Variants in SAMD5 observed in about 807,000 individuals in gnomAD.
The protein encoded by SAMD5 is sterile alpha motif domain-containing protein 5.
A neutral mutation model predicts 11.3 loss-of-function variants in SAMD5; 13 were observed. The observed-to-expected ratio is 1.15, with a 90% confidence interval of 0.75 to 1.83. SAMD5 has a LOEUF of 1.83. SAMD5 is among the 40% of genes most tolerant of loss of function. SAMD5 has a pLI of 0.00. For missense variants in SAMD5, 255 were observed against 239.1 expected (o/e 1.07, Z -0.44); for synonymous variants, 129 against 111.3 (o/e 1.16, Z -1.00).
rs894559994 is a variant in SAMD5, at chr6:147,567,436, C to T, written c.*2980C>T. ...AAATTATTCTAGTAGTATTTTCCTG[C>T]GGTGAATCTGTTAAGGATGTAAGCT... On this transcript the variant is annotated 3_prime_UTR_variant, in exon 2 of 2. Coordinates refer to ENST00000367474, the MANE Select transcript of SAMD5 (RefSeq NM_001030060.3). The T allele has an allele frequency of 3.3e-5, 32 of 984,038 alleles. No homozygotes were observed. Among genetic ancestry groups the T allele is most frequent in the South Asian group, 2.4e-4 (5 of 21,260 alleles). 61.0% of individuals were successfully genotyped at this position (984,038 alleles called of 1,614,324 possible).
At chr6:147,952,174 C>A in the SAMD5 span, among the ~76,000 whole-genome samples, 1 of 152,132 alleles carries the variant, frequency 6.6e-6, no homozygotes, top group African/African-American at 2.4e-5. Context: ...CTTGAGGACT[C>A]AGAATTTCCC....
At position 147,564,666 on chromosome 6, in the gene SAMD5, A is replaced by G; in HGVS notation, c.*210A>G. On this transcript the variant is annotated 3_prime_UTR_variant, in exon 2 of 2. Transcript: ENST00000367474. ...GCTAGAAATAAGGCAGTGAACTATC[A>G]CGCATAAAGAAGTATTGAGTTCATT... is the stretch of plus-strand genomic sequence containing the variant. The G allele has an allele frequency of 2.3e-6, 3 of 1,329,190 alleles. No individual in the cohort carries two copies. The highest frequency in any genetic ancestry group is 2.9e-6 in the Non-Finnish European group (3 of 1,037,370). 82.3% of individuals were successfully genotyped at this position (1,329,190 alleles called of 1,614,324 possible).
chr6:147,656,759 G>T (rs912342017), intron 1 of SAMD5, among the ~76,000 whole-genome samples: 1 of 152,114 alleles, frequency 6.6e-6, no homozygotes, highest in African/African-American at 2.4e-5. Context: ...CTACACTGCT[G>T]GTGGGAATAG....
intron 1 of SAMD5, among the ~76,000 whole-genome samples, chr6:147,538,483 T>C (rs756657341): frequency 6.6e-6 from 1 of 152,246 alleles, no homozygotes; most frequent in Non-Finnish European, 1.5e-5. Context: ...TTGTATGTTA[T>C]AATGTTAACT....
At chr6:147,581,704 C>T (rs1386106157) in intron 1 of SAMD5, among the ~76,000 whole-genome samples, 1 of 152,092 alleles carries the variant, frequency 6.6e-6, no homozygotes, top group Non-Finnish European at 1.5e-5. Context: ...AATCAGAGAC[C>T]TCAGTGAGAA....
the SAMD5 span, among the ~76,000 whole-genome samples, chr6:147,895,299 G>A: frequency 3.3e-5 from 5 of 151,992 alleles, no homozygotes; most frequent in African/African-American, 1.2e-4. Flanking sequence ...CCTTGTTACA[G>A]TGCTCCAAAA....
Position 147,565,451 on chromosome 6 carries a change from T to G in SAMD5, c.*995T>G. 18 of 975,778 alleles carry G rather than the reference T, an allele frequency of 1.8e-5. No homozygotes were observed. The South Asian group carries it at 8.1e-4, about 44-fold the overall frequency. The allele number at this position is 975,778 out of a possible 1,614,324, so 60.4% of individuals were successfully genotyped here. The stretch of plus-strand genomic sequence containing the variant: ...TCTTATCGTCTTATCGTTCTTGTGT[T>G]TGGATGCTGGTAGTTTTTTTTTTTT... On this transcript the variant is annotated 3_prime_UTR_variant, in exon 2 of 2. Coordinates refer to ENST00000367474, the MANE Select transcript of SAMD5 (RefSeq NM_001030060.3).
At chr6:147,692,454 CAGAA>C (rs558288468) in intron 1 of SAMD5, 1 of 152,282 alleles carries the variant, frequency 6.6e-6, no homozygotes, top group Admixed American at 6.5e-5. Flanking sequence ...CTTTGTTAAA[CAGAA>C]AGGGGTCTGT....
chr6:147,674,304 G>A (rs1246643105), intron 1 of SAMD5, among the ~76,000 whole-genome samples: 2 of 152,256 alleles, frequency 1.3e-5, no homozygotes, highest in Non-Finnish European at 2.9e-5. Context: ...GTGCCTCTTG[G>A]CCACTGGTAT....
chr6:147,763,668 C>T, the SAMD5 span, among the ~76,000 whole-genome samples: 4 of 151,976 alleles, frequency 2.6e-5, no homozygotes, highest in African/African-American at 9.7e-5. Flanking sequence ...GCAAGCTCTG[C>T]CTCCCCTGGC....
the SAMD5 span, among the ~76,000 whole-genome samples, chr6:147,763,211 G>A: frequency 6.6e-6 from 1 of 152,154 alleles, no homozygotes; most frequent in African/African-American, 2.4e-5. Flanking sequence ...CCAGGCTGGA[G>A]TACAGTGACA....
chr6:147,590,905 A>G (rs1050323039), intron 1 of SAMD5, among the ~76,000 whole-genome samples: 44 of 152,326 alleles, frequency 2.9e-4, no homozygotes, highest in Middle Eastern at 6.8e-3. Flanking sequence ...AAATGTGGTC[A>G]AGGACTTAAG....
the SAMD5 span, among the ~76,000 whole-genome samples, chr6:147,809,809 T>A: frequency 6.6e-6 from 1 of 152,230 alleles, no homozygotes; most frequent in East Asian, 1.9e-4. Flanking sequence ...TCCTGTGCAC[T>A]GTAAAATGTT....
At chr6:147,940,612 A>G in the SAMD5 span, among the ~76,000 whole-genome samples, 1 of 152,208 alleles carries the variant, frequency 6.6e-6, no homozygotes. Flanking sequence ...ATTCTGCTTT[A>G]CCACAAAAAC....
the SAMD5 span, among the ~76,000 whole-genome samples, chr6:147,920,650 T>TTTTAAAAAATTGAATA: frequency 6.6e-6 from 1 of 152,190 alleles, no homozygotes; most frequent in Non-Finnish European, 1.5e-5. Context: ...TTTCTTCAAT[T>TTTTAAAAAATTGAATA]TTTAAAAAAT....
chr6:147,799,875 T>C, the SAMD5 span, among the ~76,000 whole-genome samples: 3 of 152,192 alleles, frequency 2.0e-5, no homozygotes, highest in African/African-American at 7.2e-5. Context: ...TCCTGAGGCT[T>C]CTGCATTCTT....
chr6:147,642,177 T>G (rs1790322052), intron 1 of SAMD5, among the ~76,000 whole-genome samples: 1 of 152,248 alleles, frequency 6.6e-6, no homozygotes, highest in African/African-American at 2.4e-5. Flanking sequence ...TAAGAATGTT[T>G]GTGGCATTTG....
the SAMD5 span, among the ~76,000 whole-genome samples, chr6:147,846,791 G>T: frequency 6.6e-6 from 1 of 152,180 alleles, no homozygotes; most frequent in African/African-American, 2.4e-5. Flanking sequence ...CTGCACTCTA[G>T]CCTGGGTGAC....
the SAMD5 span, among the ~76,000 whole-genome samples, chr6:147,917,660 A>C: frequency 6.6e-6 from 1 of 152,132 alleles, no homozygotes; most frequent in Non-Finnish European, 1.5e-5. Context: ...GGTATTGCCT[A>C]GGTTTTCTTC....
Sources: gnomAD v4.1 joint callset for allele counts (sites outside exome capture counted in the v4.1 genomes callset) on GRCh38, gnomAD v4.1.1 for gene constraint, MANE v1.5 for transcripts, NCBI Gene and HGNC (gene_info 2026-07-23, HGNC 2026-07-21) for gene names.